The following RETNLB variants were observed in gnomAD, a reference collection of about 807,000 sequenced individuals.
The protein encoded by RETNLB is resistin-like beta.
A neutral mutation model predicts 6.8 loss-of-function variants in RETNLB; 11 were observed. The ratio of observed to expected loss-of-function variants is 1.62; its 90% CI spans 1.02 to 2.68. The LOEUF (loss-of-function observed/expected upper bound fraction) is 2.68, where lower values mean the gene tolerates loss of function less well. RETNLB is among the 30% of genes most tolerant of loss of function. The probability of loss-of-function intolerance (pLI) is 0.00; values close to 1 mark genes in which losing one functional copy is unlikely to be tolerated. For missense variants in RETNLB, 146 were observed against 135.7 expected, an observed-to-expected ratio of 1.08 and a Z score of -0.38; for synonymous variants, 57 against 54.2, an observed-to-expected ratio of 1.05 and a Z score of -0.23.
chr3:108,756,441 G>T (rs1458246900), intron 2 of RETNLB, 67 bp downstream of exon 2: 3 of 1,058,126 alleles, frequency 2.8e-6, no homozygotes, highest in Non-Finnish European at 4.4e-6. Context: ...AGACGTAGGT[G>T]CAGGGAGATG....
At chr3:108,756,160 T>C (rs1945248973) in intron 2 of RETNLB, among the ~76,000 whole-genome samples, 1 of 152,114 alleles carries the variant, frequency 6.6e-6, no homozygotes, top group South Asian at 2.1e-4. Flanking sequence ...CTTCGATTTG[T>C]GATAAATTCA....
intron 1 of RETNLB, 84 bp downstream of exon 1, chr3:108,756,975 A>G: frequency 1.3e-6 from 2 of 1,489,810 alleles, no homozygotes; most frequent in Non-Finnish European, 1.8e-6. Flanking sequence ...GGATCTTGGG[A>G]TGGGATAGAG....
At chr3:108,756,919 G>T in intron 1 of RETNLB, 140 bp downstream of exon 1, 1 of 940,978 alleles carries the variant, frequency 1.1e-6, no homozygotes, top group East Asian at 2.7e-5. Context: ...CTTCAAACAC[G>T]GGTAGGGTAG....
intron 1 of RETNLB, 92 bp downstream of exon 1, chr3:108,756,967 A>T: frequency 1.4e-6 from 2 of 1,463,090 alleles, no homozygotes; most frequent in Non-Finnish European, 9.2e-7. Flanking sequence ...CTTGGTTGGG[A>T]TCTTGGGATG....
intron 2 of RETNLB, 69 bp from the exon 3 acceptor site, chr3:108,755,974 C>T (rs542763208): frequency 6.3e-7 from 1 of 1,597,266 alleles, no homozygotes; most frequent in East Asian, 2.2e-5. Flanking sequence ...CTACCCACAA[C>T]CATCTTTCAA....
intron 2 of RETNLB, 112 bp from the exon 3 acceptor site, chr3:108,756,017 TG>T (rs1327584813): frequency 1.6e-6 from 2 of 1,229,724 alleles, no homozygotes; most frequent in Non-Finnish European, 2.3e-6. Flanking sequence ...CTAGGTTTCG[TG>T]GGGCCTCAAG....
chr3:108,757,190 T>G lies in RETNLB; in HGVS notation c.-5A>C. 2 of 1,611,450 alleles carry G rather than the reference T, an allele frequency of 1.2e-6. No homozygotes were observed. The highest frequency in any genetic ancestry group is 1.7e-6 in the Non-Finnish European group (2 of 1,178,830). On this transcript the variant is annotated 5_prime_UTR_variant, in exon 1 of 3. Transcript: ENST00000295755. Reference sequence around the variant, plus strand: ...GAGGCAAGAGGACGGCCCCATCCTGTACAGAGTCAGTGTCCTGGGGCTGGG... The same window carrying G: ...GAGGCAAGAGGACGGCCCCATCCTGGACAGAGTCAGTGTCCTGGGGCTGGG...
Sources: allele counts gnomAD v4.1 joint callset (sites outside exome capture counted in the v4.1 genomes callset), GRCh38; gene constraint gnomAD v4.1.1; transcripts MANE v1.5; gene names NCBI Gene and HGNC (gene_info 2026-07-23, HGNC 2026-07-21).